The following PSD3 variants were observed in gnomAD, a reference collection of about 807,000 sequenced individuals.
PSD3 encodes pleckstrin and Sec7 domain containing 3, also known as PH and SEC7 domain-containing protein 3.
In PSD3, 49 loss-of-function variants were observed where a neutral mutation model predicts 105.5. The ratio of observed to expected loss-of-function variants is 0.46; its 90% CI spans 0.37 to 0.59. The LOEUF (loss-of-function observed/expected upper bound fraction) is 0.59, where lower values mean the gene tolerates loss of function less well. Ranked by LOEUF, PSD3 falls within the 20% of genes least tolerant of loss-of-function variation. PSD3 has a pLI of 0.00. For synonymous variants in PSD3, 557 were observed against 457.8 expected, an observed-to-expected ratio of 1.22 and a Z score of -2.77; for missense variants, 1,561 against 1,263.8, an observed-to-expected ratio of 1.24 and a Z score of -3.57.
intron 9 of PSD3, among the ~76,000 whole-genome samples, chr8:18,674,033 C>T (rs745437082): frequency 2.6e-5 from 4 of 152,066 alleles, no homozygotes; most frequent in Non-Finnish European, 4.4e-5. Flanking sequence ...GCTCCTGCTA[C>T]TCTGGAAGCT....
rs144770854 is a variant in PSD3 at position 18,943,600 on chromosome 8, G to T, written c.22-7458C>A. Among the ~76,000 whole-genome samples the T allele has an allele frequency of 5.9e-5, 9 of 152,206 alleles. No homozygotes were observed. The East Asian group carries it at 1.7e-3, about 30-fold the overall frequency. On this transcript the variant is annotated intron_variant, in intron 1 of 15. Coordinates refer to ENST00000327040, the MANE Select transcript of PSD3 (RefSeq NM_015310.4). ...GGTAAACTCTTGAAGTGAAGGAAAA[G>T]GGAGTGGCTTAGATAACAGAGGACT...
At chr8:18,609,949 G>C (rs749800722) in intron 11 of PSD3, among the ~76,000 whole-genome samples, 2 of 152,214 alleles carry the variant, frequency 1.3e-5, no homozygotes, top group African/African-American at 2.4e-5. Flanking sequence ...GAGTCACACA[G>C]TATTCCAGTA....
intron 8 of PSD3, among the ~76,000 whole-genome samples, chr8:18,793,373 A>AC (rs1355528103): frequency 2.8e-5 from 1 of 35,384 alleles, no homozygotes; most frequent in African/African-American, 7.1e-5. Context: ...ATCAAAATAG[A>AC]AAAAAAAAAC....
intron 9 of PSD3, among the ~76,000 whole-genome samples, chr8:18,716,355 C>T (rs1019653837): frequency 8.5e-5 from 13 of 152,196 alleles, no homozygotes; most frequent in South Asian, 2.1e-4. Flanking sequence ...TTTACCTTTC[C>T]GGGCTCTGCA....
At chr8:18,808,921 T>G in intron 4 of PSD3, 1 of 1,503,940 alleles carries the variant, frequency 6.6e-7, no homozygotes, top group Non-Finnish European at 8.8e-7. Flanking sequence ...CACACTACTA[T>G]GACCTCACAT....
chr8:18,848,090 A>C (rs1815245681), intron 4 of PSD3, among the ~76,000 whole-genome samples: 1 of 152,148 alleles, frequency 6.6e-6, no homozygotes, highest in Admixed American at 6.5e-5. Context: ...GAACACAAAA[A>C]GGCTAGCTAC....
chr8:19,057,333 C>T (rs971956419), intron 1 of PSD3, among the ~76,000 whole-genome samples: 2 of 152,146 alleles, frequency 1.3e-5, no homozygotes, highest in African/African-American at 4.8e-5. Context: ...CCCATCTTTC[C>T]ATGGAAGTTT....
At chr8:18,935,749 C>A (rs1230889592) in intron 2 of PSD3, among the ~76,000 whole-genome samples, 1 of 149,624 alleles carries the variant, frequency 6.7e-6, no homozygotes, top group African/African-American at 2.4e-5. Flanking sequence ...ACAATGGTAA[C>A]TATGGAAAAC....
chr8:18,877,678 G>T lies in PSD3; in HGVS notation c.131-4945C>A, dbSNP rs553263249. 1.0e-3 allele frequency among the ~76,000 whole-genome samples: 156 copies of T among 151,840 alleles called. 2 individuals carry two copies. Among genetic ancestry groups the T allele is most frequent in the African/African-American group, 3.6e-3 (147 of 41,396 alleles). ...CACCTCAGACTTCCGAGTAGCTGGG[G>T]CTATACGCATGCACCACCATGCCTG... On this transcript the variant is annotated intron_variant, in intron 2 of 15. Transcript: ENST00000327040.
intron 9 of PSD3, among the ~76,000 whole-genome samples, chr8:18,665,480 A>C (rs1384913686): frequency 6.6e-6 from 1 of 152,256 alleles, no homozygotes; most frequent in Non-Finnish European, 1.5e-5. Flanking sequence ...ATGGATGAGC[A>C]AAGAAAGTAG....
chr8:19,031,639 G>A (rs1827775273), intron 1 of PSD3, among the ~76,000 whole-genome samples: 2 of 152,126 alleles, frequency 1.3e-5, no homozygotes, highest in South Asian at 4.1e-4. Context: ...CTCTAATAAG[G>A]AGACTTAGGA....
At chr8:18,604,121 CA>C (rs111501337) in intron 11 of PSD3, among the ~76,000 whole-genome samples, 12,543 of 151,926 alleles carry the variant, frequency 0.083, 572 homozygotes, top group African/African-American at 0.11. Flanking sequence ...GTGGAGGGCT[CA>C]GAATAATACA....
At chr8:19,082,588 A>G (rs1278455829) in intron 1 of PSD3, among the ~76,000 whole-genome samples, 1 of 152,202 alleles carries the variant, frequency 6.6e-6, no homozygotes, top group African/African-American at 2.4e-5. Flanking sequence ...CCTCTGAATT[A>G]GGTGGACAAG....
At chr8:18,562,986 C>T (rs1238156117) in intron 14 of PSD3, among the ~76,000 whole-genome samples, 1 of 152,194 alleles carries the variant, frequency 6.6e-6, no homozygotes, top group Non-Finnish European at 1.5e-5. Context: ...CACACCACTT[C>T]TTCCTCTTCT....
At chr8:18,799,254 C>T (rs1459755939) in intron 8 of PSD3, 41 bp downstream of exon 8, 2 of 1,520,268 alleles carry the variant, frequency 1.3e-6, no homozygotes, top group Admixed American at 3.3e-5. Context: ...AGAGATAAGC[C>T]CGACATGTTT....
At chr8:19,049,521 C>G (rs781113277) in intron 1 of PSD3, among the ~76,000 whole-genome samples, 1 of 151,766 alleles carries the variant, frequency 6.6e-6, no homozygotes, top group African/African-American at 2.4e-5. Flanking sequence ...AAGACCCTAC[C>G]TCTGCAAAAT....
intron 1 of PSD3, among the ~76,000 whole-genome samples, chr8:18,977,780 T>C (rs1340848330): frequency 1.3e-5 from 2 of 152,218 alleles, no homozygotes; most frequent in East Asian, 3.8e-4. Flanking sequence ...AGATGGATTA[T>C]AAATTATTTA....
At chr8:18,901,817 A>C (rs1053916063) in intron 2 of PSD3, among the ~76,000 whole-genome samples, 1 of 152,108 alleles carries the variant, frequency 6.6e-6, no homozygotes, top group African/African-American at 2.4e-5. Flanking sequence ...CCTGGCTGGC[A>C]GTATTTCTCT....
chr8:19,026,701 CAAAAAAAAAA>C (rs10669321), intron 1 of PSD3, among the ~76,000 whole-genome samples: 842 of 82,254 alleles, frequency 0.01, 12 homozygotes, highest in African/African-American at 0.029. Context: ...CACATCTCTA[CAAAAAAAAAA>C]AAAAAAAAAA....
Sources: allele counts gnomAD v4.1 joint callset (sites outside exome capture counted in the v4.1 genomes callset), GRCh38; gene constraint gnomAD v4.1.1; transcripts MANE v1.5; gene names NCBI Gene and HGNC (gene_info 2026-07-23, HGNC 2026-07-21).